Variants in MGAT4A observed in about 807,000 individuals in gnomAD.
MGAT4A encodes alpha-1,3-mannosyl-glycoprotein 4-beta-N-acetylglucosaminyltransferase A.
In MGAT4A, 33 loss-of-function variants were observed where a neutral mutation model predicts 74.1. The ratio of observed to expected loss-of-function variants is 0.45; its 90% confidence interval spans 0.34 to 0.60. MGAT4A has a LOEUF of 0.60. MGAT4A is among the 20% of genes least tolerant of loss of function. The pLI is 0.02. For missense variants in MGAT4A, 479 were observed against 628.3 expected (o/e 0.76, Z 2.54); for synonymous variants, 198 against 210.4 (o/e 0.94, Z 0.51).
At chr2:98,627,857 A>G (rs1019087272) in intron 14 of MGAT4A, among the ~76,000 whole-genome samples, 2 of 152,260 alleles carry the variant, frequency 1.3e-5, no homozygotes, top group African/African-American at 4.8e-5. Context: ...AAAAATTCAC[A>G]GCATTTGTGA....
chr2:98,720,457 C>G (rs1345387263), intron 2 of MGAT4A, among the ~76,000 whole-genome samples: 1 of 152,210 alleles, frequency 6.6e-6, no homozygotes, highest in Non-Finnish European at 1.5e-5. Context: ...CTGGGACTTT[C>G]ACCATTGGCT....
At chr2:98,695,854 T>G (rs1702265261) in intron 2 of MGAT4A, among the ~76,000 whole-genome samples, 2 of 151,886 alleles carry the variant, frequency 1.3e-5, no homozygotes. Flanking sequence ...TTAATTACAA[T>G]TTAAAGAGTG....
Position 98,622,232 on chromosome 2 carries a change from C to G in MGAT4A, c.*3334G>C, listed in dbSNP as rs1701072128. On this transcript the variant is annotated 3_prime_UTR_variant, in exon 16 of 16. Transcript: ENST00000393487. ...TATTAATTGTGGTTTCTAAGCTGTT[C>G]ATAATTAGCACTCTGGACACAGTAC... 1 of 985,330 alleles carries G rather than the reference C, an allele frequency of 1.0e-6. No homozygotes were observed. The highest frequency in any genetic ancestry group is 1.2e-6 in the Non-Finnish European group (1 of 829,922). 61.0% of individuals were successfully genotyped at this position (985,330 alleles called of 1,614,324 possible). A position where few individuals can be genotyped will look rare whatever the true frequency, so the allele number is the denominator to read the frequency against.
chr2:98,634,536 A>T (rs1701288874), intron 14 of MGAT4A, among the ~76,000 whole-genome samples: 1 of 151,810 alleles, frequency 6.6e-6, no homozygotes, highest in Non-Finnish European at 1.5e-5. Context: ...TCAGAAAAGT[A>T]ACTGCAGTGG....
At position 98,624,452 on chromosome 2, in the gene MGAT4A, C is replaced by A; in HGVS notation, c.*1114G>T. 3 of 967,908 alleles carry A rather than the reference C, an allele frequency of 3.1e-6. No homozygotes were observed. The highest frequency in any genetic ancestry group is 3.7e-6 in the Non-Finnish European group (3 of 814,058). The allele number at this position is 967,908 out of a possible 1,614,324, so 60.0% of individuals were successfully genotyped here. Reference sequence around the variant, plus strand: ...TACAGTCTCTTGGACACGGGACTCACTTATCAGTTCATACTACAATAAAAT... The same window carrying A: ...TACAGTCTCTTGGACACGGGACTCAATTATCAGTTCATACTACAATAAAAT... On this transcript the variant is annotated 3_prime_UTR_variant, in exon 16 of 16. Coordinates refer to ENST00000393487, the MANE Select transcript of MGAT4A (RefSeq NM_012214.3).
chr2:98,704,321 T>C lies in MGAT4A; in HGVS notation c.94+21918A>G, dbSNP rs550157756. 7.9e-5 allele frequency among the ~76,000 whole-genome samples: 12 copies of C among 152,294 alleles called. No individual in the cohort carries two copies. The East Asian group carries it at 2.3e-3, about 29-fold the overall frequency. On this transcript the variant is annotated intron_variant, in intron 2 of 15. Transcript: ENST00000393487. ...CAGCACTTTGGGAGGCCAAGGCAGG[T>C]GGATTGCTTGAACTCAGGAGTTTGA... is the stretch of plus-strand genomic sequence containing the variant.
chr2:98,656,998 G>T (rs1352607631), intron 6 of MGAT4A, among the ~76,000 whole-genome samples: 1 of 152,084 alleles, frequency 6.6e-6, no homozygotes, highest in African/African-American at 2.4e-5. Flanking sequence ...AGACGTTCTG[G>T]TTGCCACAAC....
intron 3 of MGAT4A, among the ~76,000 whole-genome samples, chr2:98,675,475 C>T (rs1022403275): frequency 6.6e-6 from 1 of 152,026 alleles, no homozygotes; most frequent in Non-Finnish European, 1.5e-5. Flanking sequence ...GTTTGCCAAA[C>T]AGACTCTAAA....
intron 2 of MGAT4A, among the ~76,000 whole-genome samples, chr2:98,696,908 T>C (rs571808449): frequency 1.2e-4 from 19 of 152,376 alleles, no homozygotes; most frequent in Middle Eastern, 3.4e-3. Flanking sequence ...TTTTATCTTA[T>C]GTAAATTGTA....
intron 4 of MGAT4A, chr2:98,663,566 C>T (rs1479164948): frequency 4.2e-6 from 4 of 947,414 alleles, no homozygotes; most frequent in Admixed American, 3.8e-5. Flanking sequence ...AACATCAGTT[C>T]TGTGGTTGTT....
intron 2 of MGAT4A, among the ~76,000 whole-genome samples, chr2:98,685,659 T>C (rs1374774568): frequency 6.6e-6 from 1 of 152,122 alleles, no homozygotes; most frequent in Non-Finnish European, 1.5e-5. Context: ...AACAGACAAT[T>C]CTAATTAGAA....
At chr2:98,627,646 G>A (rs1006553941) in intron 14 of MGAT4A, among the ~76,000 whole-genome samples, 1 of 152,196 alleles carries the variant, frequency 6.6e-6, no homozygotes, top group Admixed American at 6.5e-5. Context: ...AAAGTGCTGG[G>A]CTCACAAGCG....
intron 2 of MGAT4A, among the ~76,000 whole-genome samples, chr2:98,709,604 C>G (rs1019705792): frequency 6.6e-6 from 1 of 152,232 alleles, no homozygotes; most frequent in African/African-American, 2.4e-5. Context: ...TAGCCAACCA[C>G]TGGACATCCA....
intron 10 of MGAT4A, 65 bp downstream of exon 10, chr2:98,643,858 C>T (rs1022694361): frequency 1.4e-6 from 2 of 1,381,164 alleles, no homozygotes; most frequent in Admixed American, 5.1e-5. Flanking sequence ...TGCAAAATCT[C>T]TAAAAGTCAC....
intron 14 of MGAT4A, among the ~76,000 whole-genome samples, chr2:98,627,656 G>A (rs1022385326): frequency 2.6e-5 from 4 of 152,180 alleles, no homozygotes; most frequent in Admixed American, 1.3e-4. Context: ...GCTCACAAGC[G>A]TGAGCCACCA....
intron 8 of MGAT4A, among the ~76,000 whole-genome samples, chr2:98,649,482 C>T (rs565024403): frequency 1.3e-5 from 2 of 152,192 alleles, no homozygotes; most frequent in East Asian, 3.9e-4. Flanking sequence ...TTGACTTTTT[C>T]GAGTGCAGCC....
intron 2 of MGAT4A, among the ~76,000 whole-genome samples, chr2:98,687,255 T>A (rs1464553549): frequency 6.6e-6 from 1 of 152,088 alleles, no homozygotes; most frequent in Non-Finnish European, 1.5e-5. Context: ...AGTTCTACAT[T>A]AGAACTACAA....
At chr2:98,642,941 A>C (rs1012536294) in intron 10 of MGAT4A, among the ~76,000 whole-genome samples, 1 of 152,194 alleles carries the variant, frequency 6.6e-6, no homozygotes, top group Non-Finnish European at 1.5e-5. Context: ...GGATCCAACT[A>C]TTCTAGGGAG....
At chr2:98,697,375 C>T (rs1046719484) in intron 2 of MGAT4A, among the ~76,000 whole-genome samples, 4 of 152,124 alleles carry the variant, frequency 2.6e-5, no homozygotes, top group African/African-American at 9.7e-5. Context: ...AGACTAGGTT[C>T]CCAGGGGTTA....
Sources: allele counts gnomAD v4.1 joint callset (sites outside exome capture counted in the v4.1 genomes callset), GRCh38; gene constraint gnomAD v4.1.1; transcripts MANE v1.5; gene names NCBI Gene and HGNC (gene_info 2026-07-23, HGNC 2026-07-21).